The following UXS1 variants were observed in gnomAD, a reference collection of about 807,000 sequenced individuals.
UXS1 encodes UDP-glucuronic acid decarboxylase 1.
Under a neutral mutation model 62.6 loss-of-function variants are expected in UXS1, and 33 were observed. That is an observed-to-expected ratio of 0.53 (90% CI 0.40 to 0.70). The LOEUF (loss-of-function observed/expected upper bound fraction) is 0.70, where lower values mean the gene tolerates loss of function less well. Ranked by LOEUF, UXS1 falls within the 30% of genes least tolerant of loss-of-function variation. UXS1 has a pLI of 0.00. For synonymous variants in UXS1, 213 were observed against 206.8 expected (o/e 1.03, Z -0.26); for missense variants, 434 against 556.3 (o/e 0.78, Z 2.21).
intron 1 of UXS1, among the ~76,000 whole-genome samples, chr2:106,190,225 T>C (rs1018363507): frequency 6.6e-6 from 1 of 152,038 alleles, no homozygotes; most frequent in African/African-American, 2.4e-5. Flanking sequence ...CATGACTCAC[T>C]AGGAACAGCA....
intron 1 of UXS1, among the ~76,000 whole-genome samples, chr2:106,184,765 G>C (rs1391188995): frequency 2.0e-5 from 3 of 152,024 alleles, no homozygotes; most frequent in Non-Finnish European, 4.4e-5. Flanking sequence ...GAATTCCAGG[G>C]GACACAAACA....
chr2:106,167,233 C>T (rs1424519820), intron 1 of UXS1, among the ~76,000 whole-genome samples: 1 of 152,116 alleles, frequency 6.6e-6, no homozygotes, highest in African/African-American at 2.4e-5. Flanking sequence ...TGAGCATAGG[C>T]GGTCCTAATA....
intron 1 of UXS1, among the ~76,000 whole-genome samples, chr2:106,180,697 C>A (rs866328829): frequency 1.8e-4 from 28 of 152,236 alleles, no homozygotes; most frequent in African/African-American, 6.7e-4. Flanking sequence ...TCTGAAATAC[C>A]AGAGGATACC....
At position 106,101,112 on chromosome 2, in the gene UXS1, T is replaced by C. The variant is rs202201809; in HGVS notation, c.930A>G (p.Leu310=). ...TCATGAGAGCCACGAGGCCATTCACTAGATCGCTGGAAAAAAAGGGGAGGC... is the reference window on the plus strand; with the variant it reads ...TCATGAGAGCCACGAGGCCATTCACCAGATCGCTGGAAAAAAAGGGGAGGC... The part of the protein sequence containing the change: ...QTRAFQYVSD[L]VNGLVALMNS... Residue 310 remains leucine (L), a synonymous_variant, in exon 12 of 15, where the codon CTA becomes CTG. Coordinates refer to ENST00000283148, the MANE Select transcript of UXS1 (RefSeq NM_001253875.2). 1.9e-6 allele frequency: 3 copies of C among 1,613,542 alleles called. No individual in the cohort carries two copies. Among genetic ancestry groups the C allele is most frequent in the Non-Finnish European group, 2.5e-6 (3 of 1,179,836 alleles).
At chr2:106,147,245 A>G (rs1458516652) in intron 5 of UXS1, among the ~76,000 whole-genome samples, 1 of 152,202 alleles carries the variant, frequency 6.6e-6, no homozygotes, top group Non-Finnish European at 1.5e-5. Context: ...GTGATGTGAA[A>G]GGAGATTGGA....
intron 6 of UXS1, chr2:106,138,822 C>A: frequency 1.0e-6 from 1 of 985,454 alleles, no homozygotes; most frequent in Non-Finnish European, 1.2e-6. Flanking sequence ...CCCACCACCC[C>A]CCTCTCCTTT....
chr2:106,166,223 T>C (rs1046069928), intron 1 of UXS1, 140 bp from the exon 2 acceptor site: 17 of 777,244 alleles, frequency 2.2e-5, no homozygotes, highest in African/African-American at 1.9e-4. Flanking sequence ...ATGCATACTT[T>C]GTTTTCAAAA....
chr2:106,146,772 CAAA>C (rs55896853), intron 5 of UXS1, among the ~76,000 whole-genome samples: 7 of 45,226 alleles, frequency 1.5e-4, no homozygotes, highest in African/African-American at 6.9e-4. Flanking sequence ...GACTCCATCT[CAAA>C]AAAAAAAAAA....
intron 2 of UXS1, 144 bp downstream of exon 2, chr2:106,165,912 C>A: frequency 3.1e-6 from 2 of 654,974 alleles, no homozygotes; most frequent in Non-Finnish European, 4.8e-6. Flanking sequence ...AGAAAAGAAA[C>A]AGCTCAGATA....
At chr2:106,118,389 T>C (rs1371715709) in intron 9 of UXS1, among the ~76,000 whole-genome samples, 5 of 152,212 alleles carry the variant, frequency 3.3e-5, no homozygotes, top group Middle Eastern at 3.4e-3. Flanking sequence ...GTTTTATGAA[T>C]GGAGGCTTGT....
chr2:106,164,735 C>A lies in UXS1; in HGVS notation c.186+1G>T, dbSNP rs1469765546. 1 of 1,572,114 alleles carries A rather than the reference C, an allele frequency of 6.4e-7. No individual in the cohort carries two copies. Among genetic ancestry groups the A allele is most frequent in the Non-Finnish European group, 8.6e-7 (1 of 1,156,264 alleles). ...GATACAAAAATAGAAAAAAGACTAACCTCTTCAATCTTGCTTTCAATTTTT... is the reference window on the plus strand; with the variant it reads ...GATACAAAAATAGAAAAAAGACTAAACTCTTCAATCTTGCTTTCAATTTTT... On this transcript the variant is annotated splice_donor_variant, in intron 3 of 14. Transcript: ENST00000283148. LOFTEE classifies it high-confidence loss of function.
chr2:106,125,058 G>C (rs1255496376), intron 8 of UXS1, among the ~76,000 whole-genome samples: 3 of 152,180 alleles, frequency 2.0e-5, no homozygotes, highest in Admixed American at 2.0e-4. Flanking sequence ...ACAGCTCCTG[G>C]TCCCCACTCC....
intron 10 of UXS1, among the ~76,000 whole-genome samples, chr2:106,109,687 T>C (rs914084283): frequency 3.3e-5 from 5 of 152,220 alleles, no homozygotes; most frequent in East Asian, 1.9e-4. Context: ...ACTTAAAATA[T>C]AGCTTTGATG....
At chr2:106,111,753 C>CTATA (rs1183274190) in intron 10 of UXS1, among the ~76,000 whole-genome samples, 11 of 152,204 alleles carry the variant, frequency 7.2e-5, no homozygotes, top group African/African-American at 2.2e-4. Flanking sequence ...ATACACAGAG[C>CTATA]TATAATTCTT....
At chr2:106,136,936 A>G (rs1213664823) in intron 6 of UXS1, among the ~76,000 whole-genome samples, 1 of 147,348 alleles carries the variant, frequency 6.8e-6, no homozygotes, top group African/African-American at 2.5e-5. Flanking sequence ...AAAGAAAAAA[A>G]AAAAGAATGG....
At chr2:106,113,837 C>A (rs1045065447) in intron 9 of UXS1, among the ~76,000 whole-genome samples, 1 of 152,212 alleles carries the variant, frequency 6.6e-6, no homozygotes, top group Non-Finnish European at 1.5e-5. Flanking sequence ...TCGGTCGCAG[C>A]AAGACTGGGA....
Position 106,094,169 on chromosome 2 carries a change from G to T in UXS1, c.1147-12C>A. On this transcript the variant is annotated splice_polypyrimidine_tract_variant and intron_variant, in intron 14 of 14. Coordinates refer to ENST00000283148, the MANE Select transcript of UXS1 (RefSeq NM_001253875.2). Reference sequence around the variant, plus strand: ...TCCTCCAGCGGGACCTGTTTAAAGGGAAAGCAAGAAAGGGAGACAAGGTCA... The same window carrying T: ...TCCTCCAGCGGGACCTGTTTAAAGGTAAAGCAAGAAAGGGAGACAAGGTCA... 1 of 1,608,094 alleles carries T rather than the reference G, an allele frequency of 6.2e-7. No individual in the cohort carries two copies. The highest frequency in any genetic ancestry group is 8.5e-7 in the Non-Finnish European group (1 of 1,178,830).
rs776958479 is a variant in UXS1 at position 106,194,161 on chromosome 2, C to T, written c.81G>A (p.Leu27=). The T allele has an allele frequency of 6.7e-6, 10 of 1,485,220 alleles. No individual in the cohort carries two copies. The East Asian group carries it at 8.9e-5, about 13-fold the overall frequency. The allele number at this position is 1,485,220 out of a possible 1,614,324, so 92.0% of individuals were successfully genotyped here. A position where few individuals can be genotyped will look rare whatever the true frequency, so the allele number is the denominator to read the frequency against. Residue 27 remains leucine (L), a synonymous_variant, in exon 1 of 15, where the codon CTG becomes CTA. Coordinates refer to ENST00000283148, the MANE Select transcript of UXS1 (RefSeq NM_001253875.2). ...GCGCGCACTCACAGGCGACGTAGGCCAGCAAGGCGATGCCCAGCAGCAGCT... is the reference window on the plus strand; with the variant it reads ...GCGCGCACTCACAGGCGACGTAGGCTAGCAAGGCGATGCCCAGCAGCAGCT... ...RMKLLLGIAL[L]AYVASVWGNF... is the part of the protein sequence containing the mutation.
intron 6 of UXS1, among the ~76,000 whole-genome samples, chr2:106,131,136 AG>A (rs1307158963): frequency 6.7e-6 from 1 of 148,750 alleles, no homozygotes; most frequent in Non-Finnish European, 1.5e-5. Flanking sequence ...AGTCAAAGAA[AG>A]GGGTGACGGA....
Sources: gnomAD v4.1 joint callset for allele counts (sites outside exome capture counted in the v4.1 genomes callset) on GRCh38, gnomAD v4.1.1 for gene constraint, MANE v1.5 for transcripts, NCBI Gene and HGNC (gene_info 2026-07-23, HGNC 2026-07-21) for gene names.